PPOX: variants seen among roughly 807,000 people sequenced by gnomAD.
PPOX encodes protoporphyrinogen oxidase.
PPOX carries 23 observed loss-of-function variants against 54.1 expected under a neutral mutation model. That is an observed-to-expected ratio of 0.43 (90% CI 0.31 to 0.60). The LOEUF (loss-of-function observed/expected upper bound fraction) is 0.60, where lower values mean the gene tolerates loss of function less well. Ranked by LOEUF, PPOX falls within the 20% of genes least tolerant of loss-of-function variation. PPOX has a pLI of 0.13. For missense variants in PPOX, 512 were observed against 601.1 expected, an observed-to-expected ratio of 0.85 and a Z score of 1.55; for synonymous variants, 224 against 236.1, an observed-to-expected ratio of 0.95 and a Z score of 0.47.
Position 161,168,571 on chromosome 1 carries a change from G to T in PPOX, c.611G>T (p.Gly204Val). Residue 204 changes from glycine (G) to valine (V), a missense_variant, in exon 6 of 13, where the codon GGG becomes GTG. Physicochemically the swap from Gly to Val is moderately radical, Grantham distance 109. Coordinates refer to ENST00000367999, the MANE Select transcript of PPOX (RefSeq NM_001122764.3). ...HRSILLGLLLGAGRTPQPDSA... is the reference protein window; with the variant it reads ...HRSILLGLLLVAGRTPQPDSA... ...TCCATATTACTGGGCCTGCTGCTGG[G>T]GGCAGGTGAGGGGGGATTGATTCAG... 1 of 1,614,028 alleles carries T rather than the reference G, an allele frequency of 6.2e-7. No individual in the cohort carries two copies. The highest frequency in any genetic ancestry group is 8.5e-7 in the Non-Finnish European group (1 of 1,180,002).
upstream of PPOX, chr1:161,166,214 C>T (rs561156560): frequency 5.5e-4 from 537 of 971,030 alleles, 6 homozygotes; most frequent in South Asian, 0.017. Context: ...GCATTAAGCG[C>T]TCGCCGCCTC....
intron 2 of PPOX, 36 bp from the exon 3 acceptor site, chr1:161,167,064 A>G: frequency 6.2e-7 from 1 of 1,614,144 alleles, no homozygotes; most frequent in Non-Finnish European, 8.5e-7. Flanking sequence ...CGGCGGCTAC[A>G]GGCGGTGCTG....
Position 161,166,522 on chromosome 1 carries a change from G to A in PPOX, c.-159G>A, listed in dbSNP as rs1156314043. On this transcript the variant is annotated 5_prime_UTR_variant, in exon 1 of 13. Transcript: ENST00000367999. ...GAGGTGTGGCAAGCAGAGCACCTCA[G>A]AACTCAGGCGTACTGCCCGCCGCCC... is the stretch of plus-strand genomic sequence containing the variant. The A allele has an allele frequency of 7.4e-7, 1 of 1,353,464 alleles. No individual in the cohort carries two copies. The highest frequency in any genetic ancestry group is 9.5e-7 in the Non-Finnish European group (1 of 1,047,998). 83.8% of individuals were successfully genotyped at this position (1,353,464 alleles called of 1,614,324 possible). A position where few individuals can be genotyped will look rare whatever the true frequency, so the allele number is the denominator to read the frequency against.
chr1:161,176,801 T>C lies in PPOX; in HGVS notation c.373-48T>C, dbSNP rs189725714. 45 of 1,489,472 alleles carry C rather than the reference T, an allele frequency of 3.0e-5. 1 individual carries two copies. In the East Asian group the frequency reaches 3.7e-4, roughly 12 times the overall value. The allele number at this position is 1,489,472 out of a possible 1,614,324, so 92.3% of individuals were successfully genotyped here. On this transcript the variant is annotated intron_variant, in intron 4 of 4. Transcript: ENST00000497522. ...CGTACCCCCACCCCAACAGGACAGA[T>C]TGGGGAGTGGGGACAGGACAGCTAA...
At chr1:161,175,989 C>T, downstream of PPOX, 1 of 1,614,122 alleles carries the variant, frequency 6.2e-7, no homozygotes, top group Non-Finnish European at 8.5e-7. Context: ...GTGACAGGTA[C>T]ATCATGACAG....
At chr1:161,173,052 T>C (rs1388071378), downstream of PPOX, among the ~76,000 whole-genome samples, 2 of 152,088 alleles carry the variant, frequency 1.3e-5, no homozygotes, top group Non-Finnish European at 2.9e-5. Context: ...ATACAGAGGA[T>C]GAGAATTCAC....
exon 5 of PPOX, chr1:161,177,035 A>G (rs1280623092): frequency 8.1e-6 from 12 of 1,473,746 alleles, no homozygotes; most frequent in African/African-American, 1.4e-5. Context: ...GGCGGAGAGT[A>G]GGGTGGGGGT....
chr1:161,170,321 T>TGGGGGGCCCCCCCCCCC, intron 9 of PPOX, 88 bp from the exon 10 acceptor site: 1 of 367,768 alleles, frequency 2.7e-6, no homozygotes, highest in Non-Finnish European at 5.3e-6. Flanking sequence ...TGAGACTCTG[T>TGGGGGGCCCCCCCCCCC]CCCCCCCACC....
downstream of PPOX, chr1:161,174,134 G>A (rs183906818): frequency 5.4e-5 from 79 of 1,449,642 alleles, no homozygotes; most frequent in African/African-American, 4.5e-4. Flanking sequence ...AAGGCCGGGC[G>A]CGGTGGCTTA....
At chr1:161,177,259 T>C (rs909148424), downstream of PPOX, 11 of 616,904 alleles carry the variant, frequency 1.8e-5, no homozygotes, top group African/African-American at 2.0e-4. Context: ...GCTTTTGCCC[T>C]ACCTACTAGC....
chr1:161,166,640 T>C lies in PPOX; in HGVS notation c.-41T>C. The C allele has an allele frequency of 3.4e-6, 5 of 1,469,254 alleles. No homozygotes were observed. The highest frequency in any genetic ancestry group is 4.5e-6 in the Non-Finnish European group (5 of 1,112,522). The allele number at this position is 1,469,254 out of a possible 1,614,324, so 91.0% of individuals were successfully genotyped here. A position where few individuals can be genotyped will look rare whatever the true frequency, so the allele number is the denominator to read the frequency against. On this transcript the variant is annotated 5_prime_UTR_variant, in exon 1 of 13. Coordinates refer to ENST00000367999, the MANE Select transcript of PPOX (RefSeq NM_001122764.3). The stretch of plus-strand genomic sequence containing the variant: ...CGGTCTTAGGACCTCGATCTCCTTC[T>C]CCCTCATTTTCTCTCATCCCTACCT...
chr1:161,172,599 G>A (rs1661851270), downstream of PPOX, among the ~76,000 whole-genome samples: 1 of 152,136 alleles, frequency 6.6e-6, no homozygotes, highest in Admixed American at 6.5e-5. Flanking sequence ...AGGGCTCCTA[G>A]GAGCTGCCCT....
rs1658926184 is a variant in PPOX at position 161,166,464 on chromosome 1, G to A, written c.-217G>A. 3 of 1,230,778 alleles carry A rather than the reference G, an allele frequency of 2.4e-6. No individual in the cohort carries two copies. The highest frequency in any genetic ancestry group is 3.5e-5 in the Admixed American group (1 of 28,370). The allele number at this position is 1,230,778 out of a possible 1,614,324, so 76.2% of individuals were successfully genotyped here. ...GAGAGACCGAAAAGGCTGGGGGTGG[G>A]AGTAGCGGATTTGAAGCACTTGTTG... On this transcript the variant is annotated 5_prime_UTR_variant, in exon 1 of 13. Coordinates refer to ENST00000367999, the MANE Select transcript of PPOX (RefSeq NM_001122764.3).
intron 4 of PPOX, chr1:161,176,818 G>A: frequency 6.6e-7 from 1 of 1,525,990 alleles, no homozygotes; most frequent in South Asian, 1.2e-5. Flanking sequence ...GTGGGGACAG[G>A]ACAGCTAATG....
chr1:161,175,213 AC>A, downstream of PPOX: 1 of 1,613,094 alleles, frequency 6.2e-7, no homozygotes, highest in Non-Finnish European at 8.5e-7. Flanking sequence ...GCTAAAGGAC[AC>A]CGACACAGGA....
downstream of PPOX, chr1:161,177,461 G>C (rs1164682535): frequency 5.8e-6 from 1 of 173,650 alleles, no homozygotes; most frequent in African/African-American, 2.4e-5. Context: ...CACCCCAACA[G>C]CCGGGCAGGC....
chr1:161,168,541 A>G lies in PPOX; in HGVS notation c.581A>G (p.His194Arg). Residue 194 changes from histidine (H) to arginine (R), a missense_variant, in exon 6 of 13, where the codon CAT (histidine) becomes CGT (arginine). His to Arg is a conservative substitution (Grantham distance 29, BLOSUM62 0). Transcript: ENST00000367999. ...FPSLFQAEQT[H>R]RSILLGLLLG... ...AGTCTCTTCCAAGCTGAGCAAACCCATCGTTCCATATTACTGGGCCTGCTG... is the reference window on the plus strand; with the variant it reads ...AGTCTCTTCCAAGCTGAGCAAACCCGTCGTTCCATATTACTGGGCCTGCTG... 1.9e-6 allele frequency: 3 copies of G among 1,614,106 alleles called. No individual in the cohort carries two copies. Among genetic ancestry groups the G allele is most frequent in the Non-Finnish European group, 2.5e-6 (3 of 1,180,030 alleles).
chr1:161,171,903 G>A (rs367859921), downstream of PPOX: 31 of 1,614,080 alleles, frequency 1.9e-5, no homozygotes, highest in Non-Finnish European at 2.5e-5. Flanking sequence ...TCTCTTGACG[G>A]AAGGCTTGGG....
exon 5 of PPOX, chr1:161,177,002 G>C: frequency 1.3e-6 from 2 of 1,536,034 alleles, no homozygotes; most frequent in Non-Finnish European, 1.7e-6. Flanking sequence ...CCTGGGGGCT[G>C]TAAGCGAACA....
Sources: gnomAD v4.1 joint callset for allele counts (sites outside exome capture counted in the v4.1 genomes callset) on GRCh38, gnomAD v4.1.1 for gene constraint, MANE v1.5 for transcripts, NCBI Gene and HGNC (gene_info 2026-07-23, HGNC 2026-07-21) for gene names.